Variants in STS observed in about 807,000 individuals in gnomAD.
The protein encoded by STS is steroid sulfatase.
In STS, 7 loss-of-function variants were observed where a neutral mutation model predicts 26.8. That is an observed-to-expected ratio of 0.26 (90% CI 0.15 to 0.49). STS has a LOEUF of 0.49. STS is among the 20% of genes least tolerant of loss of function. The probability of loss-of-function intolerance (pLI) is 0.98; values close to 1 mark genes in which losing one functional copy is unlikely to be tolerated. For synonymous variants in STS, 199 were observed against 189.4 expected, an observed-to-expected ratio of 1.05 and a Z score of -0.42; for missense variants, 434 against 465.6, an observed-to-expected ratio of 0.93 and a Z score of 0.63.
chrX:7,278,358 T>A (rs1029002491), intron 7 of STS, among the ~76,000 whole-genome samples: 2 of 111,971 alleles, frequency 1.8e-5, no homozygotes, highest in African/African-American at 6.5e-5. Flanking sequence ...TAAGAAACAC[T>A]CCCTGCACAA....
In STS at chrX:7,350,886, T is replaced by C. The variant is rs904270785; in HGVS notation, c.*625T>C. The C allele has an allele frequency of 8.8e-6, 1 of 113,312 alleles. No individual in the cohort carries two copies. The highest frequency in any genetic ancestry group is 1.8e-5 in the Non-Finnish European group (1 of 54,188). The allele number at this position is 113,312 out of a possible 1,213,427, so 9.3% of individuals were successfully genotyped here. The stretch of plus-strand genomic sequence containing the variant: ...AAATGCTTGCTCTTCATCATATATA[T>C]AGTTATGCATACATACACACACACA... On this transcript the variant is annotated 3_prime_UTR_variant, in exon 11 of 11. Coordinates refer to ENST00000674429, the MANE Select transcript of STS (RefSeq NM_001320752.2).
intron 2 of STS, among the ~76,000 whole-genome samples, chrX:7,205,895 T>A (rs1364098269): frequency 9.2e-6 from 1 of 109,204 alleles, no homozygotes; most frequent in Non-Finnish European, 1.9e-5. Flanking sequence ...GGATTACAGG[T>A]GTGAGCCACC....
At chrX:7,185,949 C>T (rs1933765152) in intron 1 of STS, among the ~76,000 whole-genome samples, 1 of 112,461 alleles carries the variant, frequency 8.9e-6, no homozygotes, top group African/African-American at 3.2e-5. Context: ...TGCAGACCTC[C>T]CTCCTGTTGG....
intron 8 of STS, among the ~76,000 whole-genome samples, chrX:7,324,331 C>T (rs1927258645): frequency 9.1e-6 from 1 of 110,410 alleles, no homozygotes; most frequent in Non-Finnish European, 1.9e-5. Context: ...GCAGATGAAA[C>T]CTCCACGTAG....
At chrX:7,155,390 A>G (rs1171462494) in intron 1 of STS, among the ~76,000 whole-genome samples, 1 of 112,094 alleles carries the variant, frequency 8.9e-6, no homozygotes, top group African/African-American at 3.2e-5. Flanking sequence ...GACACCAAAC[A>G]CATTGGAAAA....
At position 7,227,706 on chromosome X, in the gene STS, T is replaced by G. The variant is rs190703651; in HGVS notation, c.-4-25490T>G. On this transcript the variant is annotated intron_variant, in intron 2 of 10. Coordinates refer to ENST00000674429, the MANE Select transcript of STS (RefSeq NM_001320752.2). ...TGTTCCATGCAATATGTTTAAAAAA[T>G]GTTTTTATTTGATAGTGATAAGAAT... Among the ~76,000 whole-genome samples, 22 of 111,819 alleles carry G rather than the reference T, an allele frequency of 2.0e-4. No individual in the cohort carries two copies. The East Asian group carries it at 3.9e-3, about 20-fold the overall frequency.
intron 1 of STS, among the ~76,000 whole-genome samples, chrX:7,154,600 CAT>C (rs1933095025): frequency 8.9e-6 from 1 of 112,268 alleles, no homozygotes; most frequent in Admixed American, 9.4e-5. Flanking sequence ...TGCCACAAGT[CAT>C]ATACCTGAAA....
intron 7 of STS, among the ~76,000 whole-genome samples, chrX:7,299,959 C>A (rs1925884672): frequency 8.9e-6 from 1 of 111,841 alleles, no homozygotes; most frequent in Non-Finnish European, 1.9e-5. Flanking sequence ...ATGTTTGAAA[C>A]CCTTCTCTCT....
Position 7,287,433 on chromosome X carries a change from GGATA to G in STS, c.943+11350_943+11353del, listed in dbSNP as rs1344065322. On this transcript the variant is annotated intron_variant, in intron 7 of 10. Transcript: ENST00000674429. ...TAGGCAGCATCATTAATAGTTTGCT[GGATA>G]GATTTATTTCTTATATGTTGCCAGT... is the stretch of plus-strand genomic sequence containing the variant. 1.3e-4 allele frequency among the ~76,000 whole-genome samples: 14 copies of G among 110,737 alleles called. 1 individual carries two copies. The highest frequency in any genetic ancestry group is 4.6e-4 in the African/African-American group (14 of 30,536).
rs1227391235 is a variant in STS at position 7,164,828 on chromosome X, CA to C, written c.-134+16749del. On this transcript the variant is annotated intron_variant, in intron 1 of 10. Transcript: ENST00000674429. Reference sequence around the variant, plus strand: ...TTCAAGAGTGGCCTGGGCAACATGGCAAAACCCCATCTTTACAAAAAAAAAA... The same window carrying C: ...TTCAAGAGTGGCCTGGGCAACATGGCAAACCCCATCTTTACAAAAAAAAAA... 3.2e-5 allele frequency among the ~76,000 whole-genome samples: 3 copies of C among 95,190 alleles called. No individual in the cohort carries two copies. The East Asian group carries it at 1.0e-3, about 32-fold the overall frequency. The allele number at this position is 95,190 out of a possible 115,157, so 82.7% of individuals were successfully genotyped here.
At chrX:7,214,224 C>T (rs1921144857) in intron 2 of STS, among the ~76,000 whole-genome samples, 1 of 112,506 alleles carries the variant, frequency 8.9e-6, no homozygotes, top group African/African-American at 3.2e-5. Flanking sequence ...CCTTTTTCTG[C>T]TGAGTCACAT....
intron 1 of STS, among the ~76,000 whole-genome samples, chrX:7,190,518 C>T (rs1158882986): frequency 2.7e-5 from 3 of 111,247 alleles, no homozygotes; most frequent in African/African-American, 9.8e-5. Flanking sequence ...GGCACAGTGG[C>T]TCACACCTAT....
At chrX:7,283,930 G>A (rs1925000100) in intron 7 of STS, among the ~76,000 whole-genome samples, 1 of 111,189 alleles carries the variant, frequency 9.0e-6, no homozygotes, top group African/African-American at 3.3e-5. Flanking sequence ...CCTGCTGGAT[G>A]ATGAATGGAA....
chrX:7,320,008 ATATAT>A (rs1161969939), intron 8 of STS, among the ~76,000 whole-genome samples: 1 of 87,573 alleles, frequency 1.1e-5, no homozygotes, highest in African/African-American at 4.2e-5. Context: ...ATTTTTATAT[ATATAT>A]TTATATATAT....
Position 7,163,344 on chromosome X carries a change from C to T in STS, c.-134+15261C>T, listed in dbSNP as rs190253096. Reference sequence around the variant, plus strand: ...CACCAAATTGGAAACAGATAAGAACCGGCATCTGGGATCACAGAAGAGGTG... The same window carrying T: ...CACCAAATTGGAAACAGATAAGAACTGGCATCTGGGATCACAGAAGAGGTG... On this transcript the variant is annotated intron_variant, in intron 1 of 10. Transcript: ENST00000674429. Among the ~76,000 whole-genome samples the T allele has an allele frequency of 2.2e-3, 248 of 112,497 alleles. 2 individuals carry two copies. The Admixed American group carries it at 0.022, about 10-fold the overall frequency.
chrX:7,347,706 G>A (rs1480378006), intron 10 of STS, among the ~76,000 whole-genome samples: 1 of 111,630 alleles, frequency 9.0e-6, no homozygotes, highest in Non-Finnish European at 1.9e-5. Flanking sequence ...AGTTCAAAAC[G>A]CCCTCTAGAT....
chrX:7,334,016 G>C lies in STS; in HGVS notation c.1272G>C (p.Leu424=), dbSNP rs752068383. ...RIIDGRDLMP[L]LEGKSQRSDH... is the part of the protein sequence containing the mutation. ...TTGATGGACGTGATCTGATGCCCCTGCTTGAAGGAAAAAGCCAACGCTCCG... is the reference window on the plus strand; with the variant it reads ...TTGATGGACGTGATCTGATGCCCCTCCTTGAAGGAAAAAGCCAACGCTCCG... Residue 424 remains leucine (L), a synonymous_variant, in exon 10 of 11, where the codon CTG becomes CTC. Coordinates refer to ENST00000674429, the MANE Select transcript of STS (RefSeq NM_001320752.2). 1 of 1,211,323 alleles carries C rather than the reference G, an allele frequency of 8.3e-7. No individual in the cohort carries two copies. Among genetic ancestry groups the C allele is most frequent in the South Asian group, 1.8e-5 (1 of 56,943 alleles).
chrX:7,204,791 T>G (rs1223536399), intron 2 of STS, among the ~76,000 whole-genome samples: 1 of 104,654 alleles, frequency 9.6e-6, no homozygotes, highest in Non-Finnish European at 2.0e-5. Context: ...TCCTCCTAAC[T>G]TCCTCTCTCC....
At chrX:7,288,122 T>C (rs1742255915) in intron 7 of STS, among the ~76,000 whole-genome samples, 1 of 105,705 alleles carries the variant, frequency 9.5e-6, no homozygotes, top group African/African-American at 3.5e-5. Flanking sequence ...AACATTAATA[T>C]TTTACTTATT....
Sources: allele counts gnomAD v4.1 joint callset (sites outside exome capture counted in the v4.1 genomes callset), GRCh38; gene constraint gnomAD v4.1.1; transcripts MANE v1.5; gene names NCBI Gene and HGNC (gene_info 2026-07-23, HGNC 2026-07-21).